The following TRHDE variants were observed in gnomAD, a reference collection of about 807,000 sequenced individuals.
TRHDE encodes the protein thyrotropin-releasing hormone-degrading ectoenzyme.
TRHDE carries 72 observed loss-of-function variants against 125.7 expected under a neutral mutation model. The observed-to-expected ratio is 0.57, with a 90% confidence interval of 0.47 to 0.70. The LOEUF (loss-of-function observed/expected upper bound fraction) is 0.70. Ranked by LOEUF, TRHDE falls within the 30% of genes least tolerant of loss-of-function variation. TRHDE has a pLI of 0.00. For missense variants in TRHDE, 1,110 were observed against 1,327.1 expected (o/e 0.84, Z 2.54); for synonymous variants, 509 against 509.1 (o/e 1.00, Z 0.00).
chr12:72,643,108 C>T (rs1411967339), intron 15 of TRHDE, among the ~76,000 whole-genome samples: 1 of 152,220 alleles, frequency 6.6e-6, no homozygotes, highest in African/African-American at 2.4e-5. Context: ...TAGATTGATT[C>T]ATCTGCTGCA....
intron 2 of TRHDE, among the ~76,000 whole-genome samples, chr12:72,157,619 T>C (rs1253505713): frequency 6.6e-6 from 1 of 152,178 alleles, no homozygotes; most frequent in Non-Finnish European, 1.5e-5. Context: ...TGACCTTATA[T>C]ACCTGGTGAA....
intron 2 of TRHDE, among the ~76,000 whole-genome samples, chr12:72,176,005 T>C (rs951029334): frequency 1.3e-5 from 2 of 152,188 alleles, no homozygotes; most frequent in East Asian, 3.9e-4. Context: ...GAACTGTGAT[T>C]CAGGCCTAAC....
rs768937293 is a variant in TRHDE, at chr12:72,470,863, C to CTTTTTTTTT, written c.1470+974_1470+982dup. Among the ~76,000 whole-genome samples, 8 of 67,930 alleles carry CTTTTTTTTT rather than the reference C, an allele frequency of 1.2e-4. 1 individual carries two copies. The highest frequency in any genetic ancestry group is 2.1e-4 in the Non-Finnish European group (8 of 37,494). 44.6% of individuals were successfully genotyped at this position (67,930 alleles called of 152,430 possible). A position where few individuals can be genotyped will look rare whatever the true frequency, so the allele number is the denominator to read the frequency against. ...GACGACCGTTCTATGTAAATGTCAGCTTTTTTTTTTTTTTTTTTTTTTTTT... is the reference window on the plus strand; with the variant it reads ...GACGACCGTTCTATGTAAATGTCAGCTTTTTTTTTTTTTTTTTTTTTTTTTTTTTTTTTT... On this transcript the variant is annotated intron_variant, in intron 4 of 18. Coordinates refer to ENST00000261180, the MANE Select transcript of TRHDE (RefSeq NM_013381.3).
intron 2 of TRHDE, among the ~76,000 whole-genome samples, chr12:72,201,447 A>C (rs954541961): frequency 6.6e-6 from 1 of 152,222 alleles, no homozygotes; most frequent in African/African-American, 2.4e-5. Flanking sequence ...AACTCTGTTA[A>C]GCTTCTAGTC....
At chr12:72,610,239 T>G (rs1370465621) in intron 12 of TRHDE, among the ~76,000 whole-genome samples, 2 of 152,246 alleles carry the variant, frequency 1.3e-5, no homozygotes, top group African/African-American at 4.8e-5. Flanking sequence ...GTAATAATTT[T>G]TTCTGATATC....
At chr12:72,437,674 A>G (rs917319994) in intron 3 of TRHDE, among the ~76,000 whole-genome samples, 2 of 151,836 alleles carry the variant, frequency 1.3e-5, no homozygotes, top group Non-Finnish European at 2.9e-5. Flanking sequence ...TTGACATGCA[A>G]TTGCATGTAT....
At chr12:72,337,054 A>G (rs1273676719) in intron 2 of TRHDE, among the ~76,000 whole-genome samples, 4 of 152,202 alleles carry the variant, frequency 2.6e-5, no homozygotes. Context: ...GGTGATTTGT[A>G]TGCATTTTAA....
At chr12:72,394,385 G>A (rs756943252) in intron 3 of TRHDE, among the ~76,000 whole-genome samples, 8 of 152,058 alleles carry the variant, frequency 5.3e-5, no homozygotes, top group Non-Finnish European at 7.4e-5. Flanking sequence ...GTACAAGGAA[G>A]AACACCATAA....
intron 3 of TRHDE, among the ~76,000 whole-genome samples, chr12:72,469,285 AT>A (rs1398657181): frequency 6.6e-6 from 1 of 152,238 alleles, no homozygotes; most frequent in African/African-American, 2.4e-5. Flanking sequence ...AACTGAAAAA[AT>A]ACACTAGAAT....
At chr12:72,467,261 A>G (rs1876423999) in intron 3 of TRHDE, among the ~76,000 whole-genome samples, 1 of 148,670 alleles carries the variant, frequency 6.7e-6, no homozygotes, top group Non-Finnish European at 1.5e-5. Context: ...AGGCCCTGGT[A>G]TACGATGTTC....
At chr12:72,548,735 G>C (rs1869538805) in intron 7 of TRHDE, among the ~76,000 whole-genome samples, 1 of 151,420 alleles carries the variant, frequency 6.6e-6, no homozygotes, top group South Asian at 2.1e-4. Context: ...TGATTGGCTA[G>C]GTAGCTATTA....
chr12:72,194,201 A>G (rs541904604), intron 2 of TRHDE, among the ~76,000 whole-genome samples: 2 of 152,254 alleles, frequency 1.3e-5, no homozygotes, highest in South Asian at 4.1e-4. Flanking sequence ...TTTAAAAGTA[A>G]ATGTATAAAT....
At position 72,413,848 on chromosome 12, in the gene TRHDE, G is replaced by A. The variant is rs7960961; in HGVS notation, c.1315+35727G>A. On this transcript the variant is annotated intron_variant, in intron 3 of 18. Coordinates refer to ENST00000261180, the MANE Select transcript of TRHDE (RefSeq NM_013381.3). ...TTTGAGTTCAAATCCCAGCAACGTA[G>A]CTATGCCACTTTCATAAAGTTACTT... Among the ~76,000 whole-genome samples, 724 of 152,108 alleles carry A rather than the reference G, an allele frequency of 4.8e-3. 6 individuals are homozygous for A. Among genetic ancestry groups the A allele is most frequent in the African/African-American group, 0.016 (684 of 41,528 alleles).
intron 2 of TRHDE, among the ~76,000 whole-genome samples, chr12:72,299,808 T>A (rs7963246): frequency 0.66 from 99,777 of 152,032 alleles, 33,153 homozygotes; most frequent in East Asian, 0.83. Flanking sequence ...AAACATACTA[T>A]CATGCACTAC....
chr12:72,537,614 G>A (rs773722482), intron 6 of TRHDE, among the ~76,000 whole-genome samples: 2 of 152,044 alleles, frequency 1.3e-5, no homozygotes, highest in African/African-American at 2.4e-5. Flanking sequence ...GTGTGAGAAC[G>A]GACTAGTACA....
At chr12:72,599,960 T>C (rs1367423446) in intron 12 of TRHDE, among the ~76,000 whole-genome samples, 3 of 152,244 alleles carry the variant, frequency 2.0e-5, no homozygotes, top group Admixed American at 6.5e-5. Flanking sequence ...TTCTAGCATA[T>C]AGCTAGCCAG....
At chr12:72,153,685 T>G (rs1445731699) in intron 2 of TRHDE, among the ~76,000 whole-genome samples, 7 of 152,094 alleles carry the variant, frequency 4.6e-5, no homozygotes, top group African/African-American at 1.7e-4. Context: ...GGTTGTTCAG[T>G]TTCCGTGTAG....
At chr12:72,183,885 T>TTGGGCTG (rs200373313) in intron 2 of TRHDE, among the ~76,000 whole-genome samples, 1,575 of 152,302 alleles carry the variant, frequency 0.01, 19 homozygotes, top group Admixed American at 0.019. Flanking sequence ...GCTGATAAAA[T>TTGGGCTG]ATATATTTCT....
chr12:72,150,396 CTT>C (rs371891880), intron 2 of TRHDE, among the ~76,000 whole-genome samples: 5 of 142,128 alleles, frequency 3.5e-5, no homozygotes, highest in Admixed American at 1.4e-4. Context: ...GGTAGTGAGT[CTT>C]TTTTTTTTTT....
Sources: gnomAD v4.1 joint callset for allele counts (sites outside exome capture counted in the v4.1 genomes callset) on GRCh38, gnomAD v4.1.1 for gene constraint, MANE v1.5 for transcripts, NCBI Gene and HGNC (gene_info 2026-07-23, HGNC 2026-07-21) for gene names.